SKAP2: variants seen among roughly 807,000 people sequenced by gnomAD.
SKAP2 encodes src kinase associated phosphoprotein 2.
A neutral mutation model predicts 54.9 loss-of-function variants in SKAP2; 28 were observed. The observed-to-expected ratio is 0.51, with a 90% CI of 0.38 to 0.70. The LOEUF (loss-of-function observed/expected upper bound fraction) is 0.70. Among genes scored for constraint, SKAP2 ranks in the 30% least tolerant of loss-of-function variants. SKAP2 has a pLI of 0.00. For synonymous variants in SKAP2, 137 were observed against 134.3 expected, an observed-to-expected ratio of 1.02 and a Z score of -0.14; for missense variants, 356 against 424.1, an observed-to-expected ratio of 0.84 and a Z score of 1.41.
At chr7:26,734,506 G>A (rs781603031) in intron 6 of SKAP2, among the ~76,000 whole-genome samples, 2 of 152,204 alleles carry the variant, frequency 1.3e-5, no homozygotes, top group Middle Eastern at 3.4e-3. Context: ...TACCTGGAAA[G>A]CCCATTTTAC....
At chr7:26,657,992 T>C in the SKAP2 span, among the ~76,000 whole-genome samples, 45 of 152,238 alleles carry the variant, frequency 3.0e-4, no homozygotes, top group African/African-American at 9.6e-4. Flanking sequence ...CAAATATTAT[T>C]TGTAGGCATT....
chr7:26,736,100 C>T (rs892377985), intron 6 of SKAP2, among the ~76,000 whole-genome samples: 1 of 152,116 alleles, frequency 6.6e-6, no homozygotes, highest in Non-Finnish European at 1.5e-5. Context: ...GGCTTTTAAA[C>T]CAGAGCAACT....
At chr7:26,720,694 T>C (rs1355751008) in intron 9 of SKAP2, among the ~76,000 whole-genome samples, 1 of 152,140 alleles carries the variant, frequency 6.6e-6, no homozygotes, top group Non-Finnish European at 1.5e-5. Flanking sequence ...GAAGCAAACA[T>C]GTCCTTCTTC....
At chr7:26,661,872 C>T in the SKAP2 span, among the ~76,000 whole-genome samples, 3 of 152,046 alleles carry the variant, frequency 2.0e-5, no homozygotes, top group African/African-American at 4.8e-5. Flanking sequence ...CCATGTTTGA[C>T]GCTATTGTTG....
chr7:26,701,726 A>AAAATAAATAAATACAT (rs1787028857), intron 9 of SKAP2, among the ~76,000 whole-genome samples: 1 of 126,720 alleles, frequency 7.9e-6, no homozygotes, highest in African/African-American at 2.7e-5. Flanking sequence ...CTTCGTCTCA[A>AAAATAAATAAATACAT]AAATAAATAA....
intron 1 of SKAP2, chr7:26,857,495 G>T: frequency 1.0e-6 from 1 of 985,296 alleles, no homozygotes. Flanking sequence ...TCCAGGCACA[G>T]GAGACTCCTA....
chr7:26,733,122 C>A (rs1236912549), intron 6 of SKAP2, among the ~76,000 whole-genome samples: 1 of 150,790 alleles, frequency 6.6e-6, no homozygotes, highest in Admixed American at 6.6e-5. Flanking sequence ...CAGAGCGAGA[C>A]CCCGTCTCAA....
At chr7:26,739,304 A>C (rs1207454694) in intron 5 of SKAP2, among the ~76,000 whole-genome samples, 1 of 152,236 alleles carries the variant, frequency 6.6e-6, no homozygotes, top group Non-Finnish European at 1.5e-5. Context: ...AAAGGCCTAA[A>C]GGGACTACAA....
intron 4 of SKAP2, among the ~76,000 whole-genome samples, chr7:26,764,787 G>A (rs1783009826): frequency 1.3e-5 from 2 of 152,036 alleles, no homozygotes; most frequent in African/African-American, 2.4e-5. Context: ...TCCTGACCTC[G>A]TGATCCGCCC....
At chr7:26,758,480 C>T (rs1782852474) in intron 4 of SKAP2, among the ~76,000 whole-genome samples, 2 of 152,062 alleles carry the variant, frequency 1.3e-5, no homozygotes, top group Non-Finnish European at 1.5e-5. Flanking sequence ...AGAATGTTCA[C>T]CTACCTGGCT....
At chr7:26,802,442 T>C (rs1207890444) in intron 4 of SKAP2, among the ~76,000 whole-genome samples, 2 of 152,052 alleles carry the variant, frequency 1.3e-5, no homozygotes, top group Non-Finnish European at 2.9e-5. Flanking sequence ...TGGCTAATTT[T>C]ATATTTTTAG....
intron 4 of SKAP2, among the ~76,000 whole-genome samples, chr7:26,819,750 T>A (rs1784353902): frequency 6.6e-6 from 1 of 152,162 alleles, no homozygotes; most frequent in Admixed American, 6.6e-5. Flanking sequence ...TTGCTGCTAC[T>A]TTTTAAGGTG....
chr7:26,795,927 C>T (rs1783768048), intron 4 of SKAP2, among the ~76,000 whole-genome samples: 1 of 152,046 alleles, frequency 6.6e-6, no homozygotes, highest in South Asian at 2.1e-4. Context: ...GTCCACTTAT[C>T]CATGGATTTT....
chr7:26,694,460 AT>A (rs34338289), intron 9 of SKAP2, among the ~76,000 whole-genome samples: 41,723 of 141,176 alleles, frequency 0.3, 5,999 homozygotes, highest in African/African-American at 0.43. Flanking sequence ...TCATCAGGAG[AT>A]TTTTTTTTTT....
Position 26,854,781 on chromosome 7 carries a change from T to C in SKAP2, c.173+4A>G. The C allele has an allele frequency of 6.3e-7, 1 of 1,588,530 alleles. No individual in the cohort carries two copies. The highest frequency in any genetic ancestry group is 8.6e-7 in the Non-Finnish European group (1 of 1,164,360). Reference sequence around the variant, plus strand: ...AATCAGTAAACAAAAGGTAAGTGACTTACATAGACTTTACATCTTTTATCT... The same window carrying C: ...AATCAGTAAACAAAAGGTAAGTGACCTACATAGACTTTACATCTTTTATCT... On this transcript the variant is annotated splice_donor_region_variant and intron_variant, in intron 2 of 12. Transcript: ENST00000345317.
intron 4 of SKAP2, among the ~76,000 whole-genome samples, chr7:26,771,342 C>T (rs1452553324): frequency 2.0e-5 from 3 of 152,072 alleles, no homozygotes; most frequent in African/African-American, 7.2e-5. Flanking sequence ...AACTGTTGTC[C>T]AAATTTAGCC....
chr7:26,772,525 T>C (rs564164614), intron 4 of SKAP2, among the ~76,000 whole-genome samples: 7 of 152,344 alleles, frequency 4.6e-5, no homozygotes, highest in African/African-American at 1.7e-4. Context: ...GATAATGGCC[T>C]CCAGCTGCAT....
intron 4 of SKAP2, among the ~76,000 whole-genome samples, chr7:26,790,863 A>C (rs1404641845): frequency 6.6e-6 from 1 of 152,220 alleles, no homozygotes; most frequent in Non-Finnish European, 1.5e-5. Context: ...ATACTATATA[A>C]AAAGTCTTGA....
intron 1 of SKAP2, 58 bp downstream of exon 1, chr7:26,864,305 G>T: frequency 6.2e-7 from 1 of 1,605,532 alleles, no homozygotes; most frequent in Non-Finnish European, 8.5e-7. Context: ...GTCCCCACCG[G>T]CTCACCGTTC....
Sources: allele counts gnomAD v4.1 joint callset (sites outside exome capture counted in the v4.1 genomes callset), GRCh38; gene constraint gnomAD v4.1.1; transcripts MANE v1.5; gene names NCBI Gene and HGNC (gene_info 2026-07-23, HGNC 2026-07-21).